Variants in EYS observed in about 807,000 individuals in gnomAD.
EYS encodes the protein EGF-like photoreceptor maintenance factor, also known as protein eyes shut homolog.
Under a neutral mutation model 282.1 loss-of-function variants are expected in EYS, and 250 were observed. The ratio of observed to expected loss-of-function variants is 0.89; its 90% CI spans 0.80 to 0.98. EYS has a LOEUF of 0.98. Among genes scored for constraint, EYS ranks in the 50% least tolerant of loss-of-function variants. The pLI is 0.00. For missense variants in EYS, 4,016 were observed against 3,709.0 expected, an observed-to-expected ratio of 1.08 and a Z score of -2.15; for synonymous variants, 1,355 against 1,282.9, an observed-to-expected ratio of 1.06 and a Z score of -1.20.
At chr6:64,299,321 G>T (rs1769146922) in intron 30 of EYS, among the ~76,000 whole-genome samples, 1 of 152,216 alleles carries the variant, frequency 6.6e-6, no homozygotes, top group Admixed American at 6.5e-5. Context: ...ATAAATGCCT[G>T]CAGAGCCAGC....
At chr6:64,043,842 C>A (rs1554201430) in intron 33 of EYS, among the ~76,000 whole-genome samples, 1 of 152,156 alleles carries the variant, frequency 6.6e-6, no homozygotes, top group Non-Finnish European at 1.5e-5. Flanking sequence ...TTGATTAAAG[C>A]AGATTTAAAG....
chr6:63,978,511 T>A (rs1345232271), intron 35 of EYS, among the ~76,000 whole-genome samples: 1 of 151,958 alleles, frequency 6.6e-6, no homozygotes, highest in East Asian at 1.9e-4. Context: ...TGGTAAGAAA[T>A]TGATCTGAAA....
At chr6:65,427,057 T>A (rs1439645272) in intron 5 of EYS, among the ~76,000 whole-genome samples, 4 of 152,026 alleles carry the variant, frequency 2.6e-5, no homozygotes, top group African/African-American at 9.6e-5. Flanking sequence ...GCCATAGTCT[T>A]CTCTATTATA....
At chr6:63,734,081 G>A (rs1440407890) in intron 41 of EYS, among the ~76,000 whole-genome samples, 2 of 152,194 alleles carry the variant, frequency 1.3e-5, no homozygotes, top group East Asian at 3.9e-4. Context: ...GGATACACAT[G>A]GACATAAAGA....
intron 14 of EYS, among the ~76,000 whole-genome samples, chr6:64,959,297 A>G (rs1769832539): frequency 2.0e-5 from 3 of 152,120 alleles, no homozygotes; most frequent in Admixed American, 2.0e-4. Context: ...AAGCCCTCCA[A>G]TCTGTGTTTT....
intron 29 of EYS, among the ~76,000 whole-genome samples, chr6:64,318,673 C>G (rs954725516): frequency 6.6e-6 from 1 of 151,566 alleles, no homozygotes; most frequent in Non-Finnish European, 1.5e-5. Context: ...GTTGAAATGC[C>G]TTTTCCAAAC....
intron 36 of EYS, among the ~76,000 whole-genome samples, chr6:63,809,456 T>A (rs1770985449): frequency 6.6e-6 from 1 of 152,332 alleles, no homozygotes; most frequent in East Asian, 1.9e-4. Flanking sequence ...ATGTATATAT[T>A]TTTTTAATTT....
chr6:64,908,852 G>A (rs1044522034), intron 16 of EYS, among the ~76,000 whole-genome samples: 1 of 152,050 alleles, frequency 6.6e-6, no homozygotes, highest in African/African-American at 2.4e-5. Flanking sequence ...TTAGGAAAGG[G>A]CAGGTATATG....
intron 12 of EYS, among the ~76,000 whole-genome samples, chr6:65,239,957 A>T (rs1767015835): frequency 6.8e-6 from 1 of 147,864 alleles, no homozygotes; most frequent in Non-Finnish European, 1.5e-5. Flanking sequence ...ATGTATTTGT[A>T]GCATATATAT....
intron 37 of EYS, among the ~76,000 whole-genome samples, chr6:63,792,016 T>G (rs934051584): frequency 1.3e-5 from 2 of 150,830 alleles, no homozygotes; most frequent in African/African-American, 4.9e-5. Flanking sequence ...TGAGGAAGAG[T>G]TGAGGAAGAG....
At chr6:63,975,982 T>A (rs958199934) in intron 35 of EYS, among the ~76,000 whole-genome samples, 2 of 152,000 alleles carry the variant, frequency 1.3e-5, no homozygotes, top group Non-Finnish European at 2.9e-5. Context: ...TCCTGAGCTA[T>A]AATACAGATC....
At chr6:65,464,552 C>A (rs1379613388) in intron 5 of EYS, among the ~76,000 whole-genome samples, 3 of 152,112 alleles carry the variant, frequency 2.0e-5, no homozygotes, top group Non-Finnish European at 2.9e-5. Flanking sequence ...ATTTTGTCTT[C>A]TCATCATCTA....
intron 1 of EYS, among the ~76,000 whole-genome samples, chr6:65,640,310 G>A (rs1450910958): frequency 6.6e-6 from 1 of 152,112 alleles, no homozygotes; most frequent in Non-Finnish European, 1.5e-5. Flanking sequence ...CTTCAACTTG[G>A]CAGGAAACCT....
chr6:64,646,169 C>T (rs932079973), intron 22 of EYS, among the ~76,000 whole-genome samples: 1 of 152,138 alleles, frequency 6.6e-6, no homozygotes, highest in African/African-American at 2.4e-5. Context: ...CATTTTCCAA[C>T]CCAGTCGTGG....
At chr6:64,814,274 T>C (rs1764682853) in intron 21 of EYS, among the ~76,000 whole-genome samples, 1 of 152,058 alleles carries the variant, frequency 6.6e-6, no homozygotes, top group Non-Finnish European at 1.5e-5. Flanking sequence ...AAATTTCTCA[T>C]AGTTTTACTT....
chr6:64,393,185 C>T (rs1056753050), intron 28 of EYS, among the ~76,000 whole-genome samples: 11 of 152,040 alleles, frequency 7.2e-5, no homozygotes, highest in African/African-American at 2.7e-4. Flanking sequence ...GATTCACAGC[C>T]GAATTCTACC....
chr6:65,112,227 CA>C (rs1285655065), intron 12 of EYS, among the ~76,000 whole-genome samples: 1 of 152,006 alleles, frequency 6.6e-6, no homozygotes, highest in East Asian at 1.9e-4. Flanking sequence ...AACCTAATCA[CA>C]AAAAATCAAA....
chr6:64,292,781 CA>C (rs1201432413), intron 30 of EYS, among the ~76,000 whole-genome samples: 2 of 151,956 alleles, frequency 1.3e-5, no homozygotes, highest in Non-Finnish European at 2.9e-5. Flanking sequence ...AGTACAATAA[CA>C]ATAACTAGAA....
intron 2 of EYS, among the ~76,000 whole-genome samples, chr6:65,566,800 TG>T (rs1319058974): frequency 1.3e-5 from 2 of 152,200 alleles, no homozygotes; most frequent in Non-Finnish European, 2.9e-5. Flanking sequence ...TAGGTTTATA[TG>T]ATTTAGTAGT....
Sources: allele counts gnomAD v4.1 joint callset (sites outside exome capture counted in the v4.1 genomes callset), GRCh38; gene constraint gnomAD v4.1.1; transcripts MANE v1.5; gene names NCBI Gene and HGNC (gene_info 2026-07-23, HGNC 2026-07-21).